Variants in ST8SIA4 observed in about 807,000 individuals in gnomAD.
ST8SIA4 encodes ST8 alpha-N-acetyl-neuraminide alpha-2,8-sialyltransferase 4.
A neutral mutation model predicts 33.9 loss-of-function variants in ST8SIA4; 15 were observed. The observed-to-expected ratio is 0.44, with a 90% CI of 0.30 to 0.68. ST8SIA4 has a LOEUF of 0.68. Among genes scored for constraint, ST8SIA4 ranks in the 30% least tolerant of loss-of-function variants. The probability of loss-of-function intolerance (pLI) is 0.10; values close to 1 mark genes in which losing one functional copy is unlikely to be tolerated. For synonymous variants in ST8SIA4, 171 were observed against 151.2 expected, an observed-to-expected ratio of 1.13 and a Z score of -0.96; for missense variants, 321 against 428.0, an observed-to-expected ratio of 0.75 and a Z score of 2.21.
intron 4 of ST8SIA4, among the ~76,000 whole-genome samples, chr5:100,851,113 C>T (rs1751688938): frequency 6.6e-6 from 1 of 151,574 alleles, no homozygotes; most frequent in African/African-American, 2.4e-5. Context: ...GCATGCGCCA[C>T]CATGCCTGGC....
intron 4 of ST8SIA4, among the ~76,000 whole-genome samples, chr5:100,824,545 T>G (rs1246882019): frequency 6.6e-6 from 1 of 151,402 alleles, no homozygotes; most frequent in Admixed American, 6.6e-5. Flanking sequence ...TGAACATTCA[T>G]GAAAAAAAAA....
intron 4 of ST8SIA4, among the ~76,000 whole-genome samples, chr5:100,842,863 G>A (rs1751496574): frequency 2.6e-5 from 4 of 151,830 alleles, no homozygotes; most frequent in Non-Finnish European, 5.9e-5. Flanking sequence ...TCTGTGCCAT[G>A]CTAGATTATG....
At chr5:100,901,523 T>C (rs1242008195) in intron 1 of ST8SIA4, among the ~76,000 whole-genome samples, 1 of 152,144 alleles carries the variant, frequency 6.6e-6, no homozygotes, top group African/African-American at 2.4e-5. Flanking sequence ...TTCTAACAAC[T>C]GAGCTAGATT....
At chr5:100,839,209 T>C (rs1751424811) in intron 4 of ST8SIA4, among the ~76,000 whole-genome samples, 1 of 151,986 alleles carries the variant, frequency 6.6e-6, no homozygotes, top group South Asian at 2.1e-4. Context: ...ATTTCACTTG[T>C]TTTCTGGGTA....
At chr5:100,831,423 G>A (rs1480384218) in intron 4 of ST8SIA4, among the ~76,000 whole-genome samples, 1 of 152,048 alleles carries the variant, frequency 6.6e-6, no homozygotes, top group Non-Finnish European at 1.5e-5. Context: ...TATACCTTGA[G>A]ACATAAAACA....
In ST8SIA4 at chr5:100,807,265, C is replaced by T. The variant is rs2112387156; in HGVS notation, c.*4582G>A. On this transcript the variant is annotated 3_prime_UTR_variant, in exon 5 of 5. Coordinates refer to ENST00000231461, the MANE Select transcript of ST8SIA4 (RefSeq NM_005668.6). ...ATGATAAAACAATAATACCCGGTTG[C>T]TATACACAAACAATAAGAAAACAGT... The T allele has an allele frequency of 6.6e-6, 1 of 152,584 alleles. No individual in the cohort carries two copies. The highest frequency in any genetic ancestry group is 3.4e-3 in the Middle Eastern group (1 of 294). 9.5% of individuals were successfully genotyped at this position (152,584 alleles called of 1,614,324 possible).
At chr5:100,888,841 T>C (rs753963561) in intron 2 of ST8SIA4, among the ~76,000 whole-genome samples, 127 of 152,096 alleles carry the variant, frequency 8.3e-4, no homozygotes, top group Non-Finnish European at 1.5e-3. Flanking sequence ...TGAAAAACTC[T>C]GCTCTAATTT....
At chr5:100,886,634 C>T in intron 2 of ST8SIA4, 34 bp from the exon 3 acceptor site, 15 of 1,541,890 alleles carry the variant, frequency 9.7e-6, no homozygotes, top group Non-Finnish European at 1.3e-5. Context: ...TTTTACATTA[C>T]CATCAGCATA....
chr5:100,859,171 A>G (rs981607543), intron 3 of ST8SIA4, among the ~76,000 whole-genome samples: 1 of 152,124 alleles, frequency 6.6e-6, no homozygotes, highest in Non-Finnish European at 1.5e-5. Flanking sequence ...AAACATTACT[A>G]GCAGCAAAAC....
rs1283838958 is a variant in ST8SIA4, at chr5:100,812,131, T to C, written c.798-2A>G. 1 of 1,599,206 alleles carries C rather than the reference T, an allele frequency of 6.3e-7. No individual in the cohort carries two copies. The highest frequency in any genetic ancestry group is 1.4e-5 in the African/African-American group (1 of 73,854). Reference sequence around the variant, plus strand: ...GGAACTTTGTTGGTCAGCCAGTAACTGGAAAAACAAAAAACAAAATCAAGA... The same window carrying C: ...GGAACTTTGTTGGTCAGCCAGTAACCGGAAAAACAAAAAACAAAATCAAGA... On this transcript the variant is annotated splice_acceptor_variant, in intron 4 of 4. Coordinates refer to ENST00000231461, the MANE Select transcript of ST8SIA4 (RefSeq NM_005668.6). LOFTEE classifies it high-confidence loss of function.
chr5:100,825,880 T>C (rs1285414902), intron 4 of ST8SIA4, among the ~76,000 whole-genome samples: 1 of 152,140 alleles, frequency 6.6e-6, no homozygotes, highest in Non-Finnish European at 1.5e-5. Flanking sequence ...TAACACCAAA[T>C]TGTCAGTAAT....
intron 2 of ST8SIA4, among the ~76,000 whole-genome samples, chr5:100,887,519 C>G (rs1294978597): frequency 6.6e-6 from 1 of 151,956 alleles, no homozygotes; most frequent in South Asian, 2.1e-4. Context: ...CAATACTTAG[C>G]CTAGCCCATA....
Position 100,850,207 on chromosome 5 carries a change from G to A in ST8SIA4, c.797+5896C>T, listed in dbSNP as rs544948254. 8.6e-5 allele frequency among the ~76,000 whole-genome samples: 13 copies of A among 151,884 alleles called. No homozygotes were observed. In the East Asian group the frequency reaches 2.5e-3, roughly 29 times the overall value. On this transcript the variant is annotated intron_variant, in intron 4 of 4. Coordinates refer to ENST00000231461, the MANE Select transcript of ST8SIA4 (RefSeq NM_005668.6). The stretch of plus-strand genomic sequence containing the variant: ...TTGAGAAAGATGTAAGTTTAAAAAT[G>A]GTAAATAACTTTAGAATTATTTACT...
Position 100,807,686 on chromosome 5 carries a change from A to G in ST8SIA4, c.*4161T>C, listed in dbSNP as rs1317425283. ...AAGCACGTTAGTAACTGAAGTCTCA[A>G]AAGAACTTCTTTATTCTAAAGTGGA... On this transcript the variant is annotated 3_prime_UTR_variant, in exon 5 of 5. Coordinates refer to ENST00000231461, the MANE Select transcript of ST8SIA4 (RefSeq NM_005668.6). 6.6e-6 allele frequency: 1 copy of G among 152,558 alleles called. No individual in the cohort carries two copies. The highest frequency in any genetic ancestry group is 1.9e-4 in the East Asian group (1 of 5,196). 9.5% of individuals were successfully genotyped at this position (152,558 alleles called of 1,614,324 possible).
intron 2 of ST8SIA4, among the ~76,000 whole-genome samples, chr5:100,893,521 T>C (rs1017137399): frequency 2.0e-5 from 3 of 152,146 alleles, no homozygotes; most frequent in Non-Finnish European, 4.4e-5. Flanking sequence ...CTCAAATACA[T>C]GAATGTAATG....
intron 4 of ST8SIA4, among the ~76,000 whole-genome samples, chr5:100,855,027 A>T (rs1751784580): frequency 6.6e-6 from 1 of 152,156 alleles, no homozygotes; most frequent in African/African-American, 2.4e-5. Flanking sequence ...TAGAGCATAA[A>T]CTCAATTCCC....
chr5:100,869,369 G>A (rs927825736), intron 3 of ST8SIA4, among the ~76,000 whole-genome samples: 11 of 152,102 alleles, frequency 7.2e-5, no homozygotes, highest in African/African-American at 2.4e-4. Context: ...TAGATCTACC[G>A]ACCATTTGCT....
rs1460079445 is a variant in ST8SIA4 at position 100,902,934 on chromosome 5, A to C, written c.22T>G (p.Trp8Gly). The change falls in exon 1 of 5, where the codon TGG (tryptophan) becomes GGG (glycine). Residue 8 changes from tryptophan to glycine, a missense_variant. Transcript: ENST00000231461. ...AGCAGACTTATTGTGCAGATCGTCC[A>C]CCTCTTCCTAATGGAGCGCATCTTG... MRSIRKR[W>G]TICTISLLLI... 2 of 1,614,016 alleles carry C rather than the reference A, an allele frequency of 1.2e-6. No individual in the cohort carries two copies. Among genetic ancestry groups the C allele is most frequent in the Non-Finnish European group, 8.5e-7 (1 of 1,179,986 alleles).
intron 4 of ST8SIA4, among the ~76,000 whole-genome samples, chr5:100,853,919 A>T (rs1385363698): frequency 1.3e-5 from 2 of 151,890 alleles, no homozygotes; most frequent in Non-Finnish European, 2.9e-5. Context: ...GTCAGGGAGG[A>T]CTTACTTCAG....
Sources: gnomAD v4.1 joint callset for allele counts (sites outside exome capture counted in the v4.1 genomes callset) on GRCh38, gnomAD v4.1.1 for gene constraint, MANE v1.5 for transcripts, NCBI Gene and HGNC (gene_info 2026-07-23, HGNC 2026-07-21) for gene names.